Variants in UNC5D observed in about 807,000 individuals in gnomAD.
UNC5D encodes the protein netrin receptor UNC5D.
In UNC5D, 39 loss-of-function variants were observed where a neutral mutation model predicts 105.4. The observed-to-expected ratio is 0.37, with a 90% CI of 0.29 to 0.48. The LOEUF (loss-of-function observed/expected upper bound fraction) is 0.48, where lower values mean the gene tolerates loss of function less well. UNC5D is among the 20% of genes least tolerant of loss of function. The probability of loss-of-function intolerance (pLI) is 0.98; values close to 1 mark genes in which losing one functional copy is unlikely to be tolerated. For synonymous variants in UNC5D, 452 were observed against 450.4 expected, an observed-to-expected ratio of 1.00 and a Z score of -0.04; for missense variants, 991 against 1,202.4, an observed-to-expected ratio of 0.82 and a Z score of 2.60.
At chr8:35,668,148 AT>A (rs1370656934) in intron 4 of UNC5D, among the ~76,000 whole-genome samples, 1 of 152,112 alleles carries the variant, frequency 6.6e-6, no homozygotes, top group Non-Finnish European at 1.5e-5. Context: ...TCATTTTCAT[AT>A]TCATTATTGG....
chr8:35,536,387 A>G (rs960849162), intron 1 of UNC5D, among the ~76,000 whole-genome samples: 1 of 152,242 alleles, frequency 6.6e-6, no homozygotes. Context: ...CTTCATCCTC[A>G]TATCAATGTC....
chr8:35,755,478 ATGTGTG>A (rs140830705), intron 13 of UNC5D, among the ~76,000 whole-genome samples: 2 of 150,394 alleles, frequency 1.3e-5, no homozygotes, highest in South Asian at 2.1e-4. Context: ...ATTTGTGTGT[ATGTGTG>A]TGTGTGTGTG....
chr8:35,720,891 T>G (rs2131530840), intron 8 of UNC5D, among the ~76,000 whole-genome samples: 1 of 152,284 alleles, frequency 6.6e-6, no homozygotes, highest in East Asian at 1.9e-4. Context: ...TTTTATGTGT[T>G]TATTGCCCTA....
intron 4 of UNC5D, among the ~76,000 whole-genome samples, chr8:35,613,720 A>G (rs1037918367): frequency 5.3e-5 from 8 of 152,146 alleles, no homozygotes; most frequent in Non-Finnish European, 5.9e-5. Context: ...ATGGTGGTGC[A>G]TGCTTGTAAT....
At position 35,793,150 on chromosome 8, in the gene UNC5D, T is replaced by C. The variant is rs1436608; in HGVS notation, c.*2587T>C. The stretch of plus-strand genomic sequence containing the variant: ...TACTTATTGCTGCTAGGATCCTACA[T>C]AGGATTTCTATAGAAATGTATGAAA... On this transcript the variant is annotated 3_prime_UTR_variant, in exon 17 of 17. Coordinates refer to ENST00000404895, the MANE Select transcript of UNC5D (RefSeq NM_080872.4). The C allele has an allele frequency of 0.013, 5,887 of 456,118 alleles. 435 individuals carry two copies. The Admixed American group carries it at 0.13, about 10-fold the overall frequency. 28.3% of individuals were successfully genotyped at this position (456,118 alleles called of 1,614,324 possible).
intron 4 of UNC5D, among the ~76,000 whole-genome samples, chr8:35,628,756 A>T (rs1309754239): frequency 6.6e-6 from 1 of 152,212 alleles, no homozygotes; most frequent in Admixed American, 6.5e-5. Context: ...AGACACTCTG[A>T]GCAGTTAGTT....
chr8:35,605,988 A>AT (rs1420527897), intron 4 of UNC5D, among the ~76,000 whole-genome samples: 17 of 150,356 alleles, frequency 1.1e-4, no homozygotes, highest in African/African-American at 3.4e-4. Context: ...TTTTTTATTT[A>AT]TTTTTTATTT....
At chr8:35,604,609 T>C (rs141027217) in intron 4 of UNC5D, among the ~76,000 whole-genome samples, 1 of 152,118 alleles carries the variant, frequency 6.6e-6, no homozygotes, top group Non-Finnish European at 1.5e-5. Flanking sequence ...AGATTGGGGA[T>C]GTTCTCCTGG....
intron 4 of UNC5D, among the ~76,000 whole-genome samples, chr8:35,656,060 C>T (rs894120400): frequency 3.9e-5 from 6 of 152,078 alleles, no homozygotes; most frequent in African/African-American, 1.4e-4. Flanking sequence ...CTTTAGCCTC[C>T]CTCCCTCAAG....
chr8:35,761,014 C>T (rs182635614), intron 14 of UNC5D, among the ~76,000 whole-genome samples: 191 of 152,262 alleles, frequency 1.3e-3, no homozygotes, highest in African/African-American at 4.3e-3. Flanking sequence ...AAGCACACAA[C>T]CATCTCTCAT....
intron 1 of UNC5D, chr8:35,544,507 G>A (rs1331454425): frequency 3.7e-6 from 6 of 1,609,058 alleles, no homozygotes. Flanking sequence ...CCGGGTTCCT[G>A]TTGGACTTTT....
intron 1 of UNC5D, among the ~76,000 whole-genome samples, chr8:35,441,772 A>G (rs1354846416): frequency 6.6e-6 from 1 of 151,438 alleles, no homozygotes; most frequent in African/African-American, 2.4e-5. Flanking sequence ...AAGAGTCTAT[A>G]CTAGATCTTA....
chr8:35,265,706 TA>T (rs1322483739), intron 1 of UNC5D, among the ~76,000 whole-genome samples: 1 of 151,816 alleles, frequency 6.6e-6, no homozygotes, highest in Non-Finnish European at 1.5e-5. Flanking sequence ...TCTTCTCTAC[TA>T]AAAATACAAA....
intron 1 of UNC5D, among the ~76,000 whole-genome samples, chr8:35,340,407 TC>T (rs1811377556): frequency 2.0e-5 from 3 of 152,280 alleles, no homozygotes; most frequent in South Asian, 2.1e-4. Context: ...GAGTTATTAC[TC>T]TATAGGTTTC....
intron 4 of UNC5D, among the ~76,000 whole-genome samples, chr8:35,645,269 C>T (rs974141440): frequency 3.9e-5 from 6 of 152,050 alleles, no homozygotes; most frequent in Non-Finnish European, 7.4e-5. Context: ...GGTGACAGAT[C>T]CCTAATTTGG....
At chr8:35,257,185 G>A (rs1295631810) in intron 1 of UNC5D, among the ~76,000 whole-genome samples, 1 of 151,864 alleles carries the variant, frequency 6.6e-6, no homozygotes, top group Non-Finnish European at 1.5e-5. Flanking sequence ...TTGGTCAGGT[G>A]ATCACGATCT....
At chr8:35,674,398 T>A (rs2131292963) in intron 4 of UNC5D, among the ~76,000 whole-genome samples, 1 of 152,188 alleles carries the variant, frequency 6.6e-6, no homozygotes, top group Non-Finnish European at 1.5e-5. Context: ...TGTGTGTGAG[T>A]GTGTTTGTGT....
At chr8:35,354,248 G>A (rs1040591928) in intron 1 of UNC5D, among the ~76,000 whole-genome samples, 2 of 151,896 alleles carry the variant, frequency 1.3e-5, no homozygotes, top group Non-Finnish European at 2.9e-5. Context: ...TCTATGCCAT[G>A]TTTATTCTCT....
rs575784738 is a variant in UNC5D at position 35,585,558 on chromosome 8, A to G, written c.467-9996A>G. On this transcript the variant is annotated intron_variant, in intron 3 of 16. Coordinates refer to ENST00000404895, the MANE Select transcript of UNC5D (RefSeq NM_080872.4). ...TGTGTGTGTGTGTGTGTGTGTATAT[A>G]TGTACATATATATTCATTCTAGAAA... Among the ~76,000 whole-genome samples the G allele has an allele frequency of 4.6e-5, 7 of 151,826 alleles. No individual in the cohort carries two copies. The East Asian group carries it at 7.7e-4, about 17-fold the overall frequency.
Sources: gnomAD v4.1 joint callset for allele counts (sites outside exome capture counted in the v4.1 genomes callset) on GRCh38, gnomAD v4.1.1 for gene constraint, MANE v1.5 for transcripts, NCBI Gene and HGNC (gene_info 2026-07-23, HGNC 2026-07-21) for gene names.